The following PLS1 variants were observed in gnomAD, a reference collection of about 807,000 sequenced individuals.
PLS1 encodes plastin 1, also known as plastin-1.
In PLS1, 32 loss-of-function variants were observed where a neutral mutation model predicts 73.7. The observed-to-expected ratio is 0.43, with a 90% CI of 0.33 to 0.58. The LOEUF (loss-of-function observed/expected upper bound fraction) is 0.58, where lower values mean the gene tolerates loss of function less well. Ranked by LOEUF, PLS1 falls within the 20% of genes least tolerant of loss-of-function variation. The pLI is 0.04. For missense variants in PLS1, 633 were observed against 740.5 expected, an observed-to-expected ratio of 0.85 and a Z score of 1.68; for synonymous variants, 217 against 261.3, an observed-to-expected ratio of 0.83 and a Z score of 1.63.
At chr3:142,604,210 T>G (rs1434587441) in intron 1 of PLS1, among the ~76,000 whole-genome samples, 1 of 152,198 alleles carries the variant, frequency 6.6e-6, no homozygotes, top group Non-Finnish European at 1.5e-5. Context: ...TCTTGTTAAT[T>G]ACACCTTGGA....
chr3:142,647,843 A>T (rs758923891), intron 1 of PLS1, among the ~76,000 whole-genome samples: 1 of 151,896 alleles, frequency 6.6e-6, no homozygotes, highest in Non-Finnish European at 1.5e-5. Flanking sequence ...TACTTATTTC[A>T]TTCTAGACTG....
chr3:142,660,717 T>C (rs2037352183), intron 1 of PLS1, among the ~76,000 whole-genome samples: 2 of 152,218 alleles, frequency 1.3e-5, no homozygotes, highest in African/African-American at 4.8e-5. Context: ...TTTGTTTCAT[T>C]TCAATGCCAA....
At chr3:142,668,485 C>T (rs563760689) in intron 2 of PLS1, among the ~76,000 whole-genome samples, 2 of 152,316 alleles carry the variant, frequency 1.3e-5, no homozygotes, top group East Asian at 3.9e-4. Context: ...GTATTTTACA[C>T]AGCGCATGTA....
At chr3:142,667,708 G>A (rs1326320298) in intron 2 of PLS1, among the ~76,000 whole-genome samples, 1 of 152,088 alleles carries the variant, frequency 6.6e-6, no homozygotes, top group Non-Finnish European at 1.5e-5. Flanking sequence ...TAACATGATC[G>A]TTATTAGGCA....
chr3:142,640,491 A>G (rs962477195), intron 1 of PLS1, among the ~76,000 whole-genome samples: 1 of 152,224 alleles, frequency 6.6e-6, no homozygotes, highest in African/African-American at 2.4e-5. Context: ...TTCCTTTGAC[A>G]TCACTGAGTA....
At chr3:142,632,621 C>T (rs73228788) in intron 1 of PLS1, among the ~76,000 whole-genome samples, 14,115 of 148,106 alleles carry the variant, frequency 0.095, 794 homozygotes, top group Non-Finnish European at 0.13. Flanking sequence ...TCCCCTGAGA[C>T]GGGGTCTTGT....
chr3:142,674,512 G>A (rs1187989981), intron 4 of PLS1, among the ~76,000 whole-genome samples: 1 of 151,982 alleles, frequency 6.6e-6, no homozygotes, highest in Non-Finnish European at 1.5e-5. Flanking sequence ...TTTACTTTAA[G>A]GATTTATAAT....
intron 1 of PLS1, among the ~76,000 whole-genome samples, chr3:142,642,797 C>A (rs1464906898): frequency 6.6e-6 from 1 of 152,096 alleles, no homozygotes; most frequent in Non-Finnish European, 1.5e-5. Context: ...CTCAAGTGAT[C>A]CTCCCACCTC....
chr3:142,611,215 T>C (rs1207544026), intron 1 of PLS1, among the ~76,000 whole-genome samples: 1 of 152,268 alleles, frequency 6.6e-6, no homozygotes, highest in African/African-American at 2.4e-5. Context: ...ACAGGTTATA[T>C]GCAAGCAGGC....
intron 1 of PLS1, among the ~76,000 whole-genome samples, chr3:142,647,598 G>A (rs1169985032): frequency 1.3e-5 from 2 of 151,490 alleles, no homozygotes; most frequent in Admixed American, 6.6e-5. Context: ...TGCCTCCCGG[G>A]TTCATGCGAT....
chr3:142,671,231 G>A (rs1026655813), intron 4 of PLS1, 109 bp downstream of exon 4: 27 of 955,714 alleles, frequency 2.8e-5, no homozygotes, highest in Non-Finnish European at 4.1e-5. Flanking sequence ...GTTATTTTAT[G>A]TGCCACTGAG....
chr3:142,681,069 GACT>G (rs2037842503), intron 6 of PLS1, among the ~76,000 whole-genome samples: 2 of 152,086 alleles, frequency 1.3e-5, no homozygotes, highest in African/African-American at 2.4e-5. Context: ...GTCTTCTATA[GACT>G]ATTACCCCCT....
chr3:142,607,570 G>A (rs1006583233), intron 1 of PLS1, among the ~76,000 whole-genome samples: 3 of 152,148 alleles, frequency 2.0e-5, no homozygotes, highest in Non-Finnish European at 2.9e-5. Flanking sequence ...CACTGCTCCC[G>A]GCCGTATTAT....
At chr3:142,702,231 T>G (rs1160734668) in intron 12 of PLS1, among the ~76,000 whole-genome samples, 2 of 152,208 alleles carry the variant, frequency 1.3e-5, no homozygotes, top group East Asian at 3.8e-4. Flanking sequence ...TCCTTGGATT[T>G]TAAAAAAATG....
intron 1 of PLS1, among the ~76,000 whole-genome samples, chr3:142,617,823 CA>C (rs1191689230): frequency 2.0e-5 from 3 of 152,072 alleles, no homozygotes; most frequent in Non-Finnish European, 4.4e-5. Context: ...ACTAAAAATA[CA>C]AAAATTAGCC....
chr3:142,637,100 A>T (rs529259960), intron 1 of PLS1, among the ~76,000 whole-genome samples: 96 of 152,372 alleles, frequency 6.3e-4, no homozygotes, highest in African/African-American at 2.3e-3. Flanking sequence ...GTCCACACAC[A>T]GACTTGCACA....
chr3:142,632,308 C>T (rs2036583117), intron 1 of PLS1, among the ~76,000 whole-genome samples: 2 of 152,146 alleles, frequency 1.3e-5, no homozygotes, highest in South Asian at 4.1e-4. Context: ...CAGGATATAA[C>T]ATGACTGTAA....
In PLS1 at chr3:142,709,571, C is replaced by T. The variant is rs373229867; in HGVS notation, c.1630-1930C>T. Among the ~76,000 whole-genome samples, 38 of 152,278 alleles carry T rather than the reference C, an allele frequency of 2.5e-4. 1 individual carries two copies. In the East Asian group the frequency reaches 3.9e-3, roughly 15 times the overall value. On this transcript the variant is annotated intron_variant, in intron 14 of 15. Transcript: ENST00000457734. ...GTGGCTCAGGCCTGTAATCCCACCA[C>T]GGTGGGAGGCCGAGGCGGGTGGATC...
chr3:142,708,645 TG>T (rs1932965208), intron 14 of PLS1, among the ~76,000 whole-genome samples: 1 of 152,254 alleles, frequency 6.6e-6, no homozygotes, highest in Non-Finnish European at 1.5e-5. Context: ...AAAATCAAGC[TG>T]TAGGTAATTC....
Sources: gnomAD v4.1 joint callset for allele counts (sites outside exome capture counted in the v4.1 genomes callset) on GRCh38, gnomAD v4.1.1 for gene constraint, MANE v1.5 for transcripts, NCBI Gene and HGNC (gene_info 2026-07-23, HGNC 2026-07-21) for gene names.